HMSD: variants seen among roughly 807,000 people sequenced by gnomAD.
The protein encoded by HMSD is serpin-like protein HMSD.
In HMSD, 13 loss-of-function variants were observed where a neutral mutation model predicts 10.0. The observed-to-expected ratio is 1.31, with a 90% CI of 0.85 to 2.08. HMSD has a LOEUF of 2.08. Ranked by LOEUF, HMSD falls within the 30% of genes most tolerant of loss-of-function variation. The probability of loss-of-function intolerance (pLI) is 0.00; values close to 1 mark genes in which losing one functional copy is unlikely to be tolerated. For synonymous variants in HMSD, 51 were observed against 54.2 expected (o/e 0.94, Z 0.26); for missense variants, 169 against 166.3 (o/e 1.02, Z -0.09).
chr18:63,950,503 GTGA>G (rs945621199), intron 1 of HMSD, among the ~76,000 whole-genome samples: 3 of 149,652 alleles, frequency 2.0e-5, no homozygotes, highest in Non-Finnish European at 4.4e-5. Context: ...GAAATGCTGT[GTGA>G]TGATTCATAT....
At chr18:63,962,329 C>T (rs1038138845), downstream of HMSD, among the ~76,000 whole-genome samples, 6 of 152,182 alleles carry the variant, frequency 3.9e-5, no homozygotes, top group South Asian at 4.1e-4. Context: ...GTAATCTCTT[C>T]CTCTTGTTAT....
At chr18:63,956,097 G>C (rs536881651) in intron 3 of HMSD, among the ~76,000 whole-genome samples, 39 of 152,290 alleles carry the variant, frequency 2.6e-4, no homozygotes, top group African/African-American at 7.0e-4. Context: ...CACAGTTGTG[G>C]TTCCTGGGAG....
downstream of HMSD, chr18:63,966,571 C>G: frequency 6.6e-6 from 1 of 152,232 alleles, no homozygotes; most frequent in African/African-American, 2.4e-5. Context: ...TACACGGACA[C>G]TCCATTTCAT....
rs772541743 is a variant in HMSD, at chr18:63,960,301, C to T, written c.366C>T (p.Phe122=). Residue 122 remains phenylalanine, a synonymous_variant, in exon 4 of 4, where the codon TTC becomes TTT. Coordinates refer to ENST00000408945, the MANE Select transcript of HMSD (RefSeq NM_001123366.2). ...GTGAAAATATATTGTTATTCTATTT[C>T]GATAATATTTTAAACAGTTTTATAG... The part of the protein sequence containing the change: ...TKGENILLFY[F]DNILNSFIVS... 8.3e-5 allele frequency: 133 copies of T among 1,606,080 alleles called. 1 individual carries two copies. The Middle Eastern group carries it at 1.0e-3, about 12-fold the overall frequency.
At chr18:63,952,540 G>A (rs946539619) in intron 1 of HMSD, among the ~76,000 whole-genome samples, 2 of 152,048 alleles carry the variant, frequency 1.3e-5, no homozygotes, top group African/African-American at 4.8e-5. Context: ...ACTTAATATT[G>A]TATTTTCTCA....
downstream of HMSD, among the ~76,000 whole-genome samples, chr18:63,965,920 G>T (rs538345119): frequency 6.6e-5 from 10 of 152,106 alleles, no homozygotes; most frequent in Admixed American, 6.5e-4. Flanking sequence ...GAACCTGCAG[G>T]TTCAATGAGG....
At chr18:63,950,437 A>AG (rs1306523458) in intron 1 of HMSD, among the ~76,000 whole-genome samples, 7 of 150,062 alleles carry the variant, frequency 4.7e-5, no homozygotes, top group Admixed American at 4.0e-4. Flanking sequence ...AAAAAAAAAA[A>AG]AAAAATGTAA....
intron 3 of HMSD, among the ~76,000 whole-genome samples, chr18:63,957,438 CT>C (rs1372047859): frequency 2.0e-5 from 3 of 151,916 alleles, no homozygotes; most frequent in African/African-American, 7.3e-5. Flanking sequence ...GGTTGTATGT[CT>C]TTTTCTTATT....
chr18:63,959,397 T>G (rs1329724987), intron 3 of HMSD, among the ~76,000 whole-genome samples: 7 of 152,204 alleles, frequency 4.6e-5, no homozygotes, highest in African/African-American at 1.7e-4. Flanking sequence ...CACTTGAGAT[T>G]TCTTCTGTGA....
At chr18:63,965,913 C>A (rs1426496102), downstream of HMSD, among the ~76,000 whole-genome samples, 1 of 152,136 alleles carries the variant, frequency 6.6e-6, no homozygotes, top group Non-Finnish European at 1.5e-5. Flanking sequence ...CTTCATTGAA[C>A]CTGCAGGTTC....
downstream of HMSD, among the ~76,000 whole-genome samples, chr18:63,963,889 C>G (rs143286297): frequency 6.6e-6 from 1 of 152,210 alleles, no homozygotes; most frequent in Admixed American, 6.5e-5. Flanking sequence ...TTCTGATCTT[C>G]TTAGGATTAT....
intron 3 of HMSD, among the ~76,000 whole-genome samples, chr18:63,955,034 G>A (rs949602502): frequency 2.0e-5 from 3 of 152,178 alleles, no homozygotes; most frequent in South Asian, 2.1e-4. Flanking sequence ...GAAAAGTACC[G>A]AAGTAATTTC....
chr18:63,953,711 G>T (rs1217030236), intron 2 of HMSD, among the ~76,000 whole-genome samples, 184 bp downstream of exon 2: 1 of 152,190 alleles, frequency 6.6e-6, no homozygotes, highest in Non-Finnish European at 1.5e-5. Context: ...TGGTGACCTG[G>T]GGTCACTCAT....
rs1412655132 is a variant in HMSD, at chr18:63,954,439, A to T, written c.104A>T (p.Asp35Val). ...ALCFSKIGGE[D>V]GDIHRGFQSL... ...TGTTTTAGTAAAATCGGAGGTGAAGATGGAGATATTCATCGAGGTTTTCAG... is the reference window on the plus strand; with the variant it reads ...TGTTTTAGTAAAATCGGAGGTGAAGTTGGAGATATTCATCGAGGTTTTCAG... Residue 35 changes from aspartate to valine, a missense_variant, in exon 3 of 4, where the codon GAT (aspartate) becomes GTT (valine). Coordinates refer to ENST00000408945, the MANE Select transcript of HMSD (RefSeq NM_001123366.2). 1.2e-6 allele frequency: 2 copies of T among 1,611,120 alleles called. No individual in the cohort carries two copies. Among genetic ancestry groups the T allele is most frequent in the East Asian group, 4.5e-5 (2 of 44,878 alleles).
At chr18:63,967,987 C>T (rs1473676685) in intron 3 of HMSD, 1 of 152,192 alleles carries the variant, frequency 6.6e-6, no homozygotes, top group Non-Finnish European at 1.5e-5. Flanking sequence ...AATTCCTTAC[C>T]TAGGAAAACA....
rs2048897 is a variant in HMSD at position 63,957,987 on chromosome 18, A to G, written c.223-2171A>G. 0.016 allele frequency among the ~76,000 whole-genome samples: 2,440 copies of G among 152,306 alleles called. 124 individuals are homozygous for G. In the East Asian group the frequency reaches 0.18, roughly 11 times the overall value. ...AACACGTTTAACAGATGGAAAGATC[A>G]CCTAGGCGTGCAAGAAGTCATCAAT... is the stretch of plus-strand genomic sequence containing the variant. On this transcript the variant is annotated intron_variant, in intron 3 of 3. Coordinates refer to ENST00000408945, the MANE Select transcript of HMSD (RefSeq NM_001123366.2).
At chr18:63,957,833 GATTA>G (rs1486060296) in intron 3 of HMSD, among the ~76,000 whole-genome samples, 13 of 152,120 alleles carry the variant, frequency 8.5e-5, no homozygotes, top group Non-Finnish European at 1.5e-4. Context: ...AACCATTTCA[GATTA>G]ATTTATTATT....
intron 3 of HMSD, chr18:63,969,524 G>A (rs111888658): frequency 6.6e-6 from 1 of 152,364 alleles, no homozygotes; most frequent in East Asian, 1.9e-4. Context: ...GAGATGTCCA[G>A]TAGTACACAG....
Position 63,961,567 on chromosome 18 carries a change from T to G in HMSD, c.*1212T>G, listed in dbSNP as rs1284703100. 2 of 152,314 alleles carry G rather than the reference T, an allele frequency of 1.3e-5. No homozygotes were observed. Among genetic ancestry groups the G allele is most frequent in the African/African-American group, 4.8e-5 (2 of 41,460 alleles). The allele number at this position is 152,314 out of a possible 1,614,324, so 9.4% of individuals were successfully genotyped here. ...CACTGAGCAGGAAGGCTCTTCCCCC[T>G]TCTAAGTTCCCTTACCAGGCAGTCA... On this transcript the variant is annotated 3_prime_UTR_variant, in exon 4 of 4. Transcript: ENST00000408945.
Sources: allele counts gnomAD v4.1 joint callset (sites outside exome capture counted in the v4.1 genomes callset), GRCh38; gene constraint gnomAD v4.1.1; transcripts MANE v1.5; gene names NCBI Gene and HGNC (gene_info 2026-07-23, HGNC 2026-07-21).